Variants in PCDH9 observed in about 807,000 individuals in gnomAD.
PCDH9 encodes protocadherin-9.
PCDH9 carries 24 observed loss-of-function variants against 70.6 expected under a neutral mutation model. The observed-to-expected ratio is 0.34, with a 90% CI of 0.25 to 0.48. PCDH9 has a LOEUF of 0.48. PCDH9 is among the 20% of genes least tolerant of loss of function. PCDH9 has a pLI of 0.99. For synonymous variants in PCDH9, 562 were observed against 558.5 expected, an observed-to-expected ratio of 1.01 and a Z score of -0.09; for missense variants, 1,281 against 1,503.6, an observed-to-expected ratio of 0.85 and a Z score of 2.45.
chr13:66,556,027 A>T (rs1285539972), intron 4 of PCDH9, among the ~76,000 whole-genome samples: 1 of 150,082 alleles, frequency 6.7e-6, no homozygotes, highest in African/African-American at 2.4e-5. Context: ...CAGAGAACAC[A>T]GTTCCGATAA....
At chr13:67,030,271 C>A (rs987720639) in intron 2 of PCDH9, among the ~76,000 whole-genome samples, 1 of 152,056 alleles carries the variant, frequency 6.6e-6, no homozygotes, top group Non-Finnish European at 1.5e-5. Context: ...TCTAGCAATT[C>A]AGAATTCTTA....
intron 2 of PCDH9, chr13:67,201,052 G>C (rs2089199065): frequency 6.6e-6 from 1 of 151,790 alleles, no homozygotes; most frequent in Admixed American, 6.6e-5. Context: ...TGAATTTTAA[G>C]GTACATTTAG....
In PCDH9 at chr13:66,520,562, T is replaced by C. The variant is rs372021894; in HGVS notation, c.3340+110648A>G. On this transcript the variant is annotated intron_variant, in intron 4 of 4. Transcript: ENST00000377865. Reference sequence around the variant, plus strand: ...AACAGACATGCTTCATTTTAATGCTTGTTGCCTTTAAAATTAATCTATCGA... The same window carrying C: ...AACAGACATGCTTCATTTTAATGCTCGTTGCCTTTAAAATTAATCTATCGA... Among the ~76,000 whole-genome samples, 88 of 152,310 alleles carry C rather than the reference T, an allele frequency of 5.8e-4. 2 individuals are homozygous for C. The South Asian group carries it at 0.017, about 30-fold the overall frequency.
intron 2 of PCDH9, among the ~76,000 whole-genome samples, chr13:67,151,596 G>A (rs2087663408): frequency 6.6e-6 from 1 of 152,112 alleles, no homozygotes; most frequent in Admixed American, 6.6e-5. Context: ...AGAAGATCCT[G>A]TATGATTCAA....
At chr13:66,699,702 T>G (rs1419859975) in intron 3 of PCDH9, among the ~76,000 whole-genome samples, 1 of 152,150 alleles carries the variant, frequency 6.6e-6, no homozygotes, top group Non-Finnish European at 1.5e-5. Context: ...TTTTGGACTT[T>G]CAGCCTAGAA....
At chr13:66,593,936 AG>A (rs1321660596) in intron 4 of PCDH9, among the ~76,000 whole-genome samples, 1 of 62,860 alleles carries the variant, frequency 1.6e-5, no homozygotes, top group Non-Finnish European at 4.6e-5. Flanking sequence ...TTATATATAA[AG>A]TTTTTTTATA....
intron 3 of PCDH9, among the ~76,000 whole-genome samples, chr13:66,764,420 C>A (rs998441182): frequency 6.6e-6 from 1 of 151,784 alleles, no homozygotes; most frequent in South Asian, 2.1e-4. Flanking sequence ...TTAACATTTG[C>A]GTGTAAAACT....
At chr13:67,139,452 T>G (rs924819235) in intron 2 of PCDH9, among the ~76,000 whole-genome samples, 1 of 152,170 alleles carries the variant, frequency 6.6e-6, no homozygotes, top group African/African-American at 2.4e-5. Context: ...AATACAAAAT[T>G]ATCCGACTTC....
At chr13:66,352,843 T>G (rs1435134906) in intron 4 of PCDH9, among the ~76,000 whole-genome samples, 1 of 152,214 alleles carries the variant, frequency 6.6e-6, no homozygotes, top group Non-Finnish European at 1.5e-5. Context: ...AATAAAACTG[T>G]TAGTTGACAC....
chr13:66,738,476 A>T (rs1477113786), intron 3 of PCDH9, among the ~76,000 whole-genome samples: 1 of 147,342 alleles, frequency 6.8e-6, no homozygotes, highest in Non-Finnish European at 1.5e-5. Flanking sequence ...CCAGCAACGG[A>T]ACAAAGCTGG....
chr13:66,929,717 T>C (rs1396161816), intron 2 of PCDH9, among the ~76,000 whole-genome samples: 2 of 152,210 alleles, frequency 1.3e-5, no homozygotes, highest in Non-Finnish European at 2.9e-5. Flanking sequence ...GGTGTATTTT[T>C]TGGAATGCAT....
At chr13:67,144,791 C>T (rs1010722089) in intron 2 of PCDH9, among the ~76,000 whole-genome samples, 2 of 152,104 alleles carry the variant, frequency 1.3e-5, no homozygotes, top group Non-Finnish European at 2.9e-5. Flanking sequence ...AGAGGACATA[C>T]AAATGTTCTG....
intron 4 of PCDH9, among the ~76,000 whole-genome samples, chr13:66,546,068 G>A (rs1306607867): frequency 1.3e-5 from 2 of 151,372 alleles, no homozygotes; most frequent in African/African-American, 4.9e-5. Flanking sequence ...TCGATCTCCT[G>A]ACCTCATGAT....
chr13:66,690,655 C>T (rs534802587), intron 3 of PCDH9, among the ~76,000 whole-genome samples: 1 of 152,186 alleles, frequency 6.6e-6, no homozygotes, highest in South Asian at 2.1e-4. Context: ...TTAAGATCAC[C>T]AAAGGAAATC....
chr13:66,821,290 A>C (rs1215275632), intron 3 of PCDH9, among the ~76,000 whole-genome samples: 1 of 152,178 alleles, frequency 6.6e-6, no homozygotes, highest in East Asian at 1.9e-4. Context: ...GTTAGGAAAA[A>C]AAATGAAGAT....
chr13:66,377,131 T>C (rs958457016), intron 4 of PCDH9, among the ~76,000 whole-genome samples: 2 of 152,132 alleles, frequency 1.3e-5, no homozygotes. Context: ...AAAATATAAT[T>C]GGGCCAGAAT....
chr13:66,438,588 G>A (rs893431098), intron 4 of PCDH9, among the ~76,000 whole-genome samples: 2 of 152,088 alleles, frequency 1.3e-5, no homozygotes, highest in East Asian at 1.9e-4. Context: ...CTCCCTTGTC[G>A]TTGGATAGCA....
chr13:66,716,769 C>A (rs2078870696), intron 3 of PCDH9, among the ~76,000 whole-genome samples: 1 of 152,142 alleles, frequency 6.6e-6, no homozygotes, highest in African/African-American at 2.4e-5. Context: ...TATATTCAAT[C>A]AGCTGTACTC....
At chr13:66,369,833 G>T (rs1956615204) in intron 4 of PCDH9, among the ~76,000 whole-genome samples, 1 of 152,052 alleles carries the variant, frequency 6.6e-6, no homozygotes. Flanking sequence ...TGACAGTATG[G>T]CCTAAAAATT....
Sources: allele counts gnomAD v4.1 joint callset (sites outside exome capture counted in the v4.1 genomes callset), GRCh38; gene constraint gnomAD v4.1.1; transcripts MANE v1.5; gene names NCBI Gene and HGNC (gene_info 2026-07-23, HGNC 2026-07-21).